FAM222B: variants seen among roughly 807,000 people sequenced by gnomAD.
FAM222B encodes protein FAM222B.
Under a neutral mutation model 38.0 loss-of-function variants are expected in FAM222B, and 12 were observed. The ratio of observed to expected loss-of-function variants is 0.32; its 90% confidence interval spans 0.20 to 0.51. FAM222B has a LOEUF of 0.51. Ranked by LOEUF, FAM222B falls within the 20% of genes least tolerant of loss-of-function variation. The pLI, the probability that FAM222B is intolerant of heterozygous loss-of-function variation, is 0.97. For missense variants in FAM222B, 716 were observed against 754.2 expected (o/e 0.95, Z 0.59); for synonymous variants, 329 against 317.2 (o/e 1.04, Z -0.40).
intron 1 of FAM222B, among the ~76,000 whole-genome samples, chr17:28,826,977 C>A (rs1248208454): frequency 6.6e-6 from 1 of 151,900 alleles, no homozygotes; most frequent in East Asian, 1.9e-4. Context: ...CTTGTCTTTG[C>A]CAAAAAAATT....
chr17:28,813,248 G>T (rs1041287126), intron 1 of FAM222B, among the ~76,000 whole-genome samples: 3 of 150,394 alleles, frequency 2.0e-5, no homozygotes, highest in African/African-American at 7.4e-5. Flanking sequence ...TAAATCCCAA[G>T]ATAACAATTC....
intron 1 of FAM222B, among the ~76,000 whole-genome samples, chr17:28,801,228 C>T (rs1384230412): frequency 5.5e-5 from 8 of 145,402 alleles, no homozygotes; most frequent in East Asian, 2.1e-4. Flanking sequence ...CCAAGGCGGG[C>T]GGATCACGAG....
rs60664262 is a variant in FAM222B at position 28,790,884 on chromosome 17, C to CTTT, written c.-40-24180_-40-24178dup. Among the ~76,000 whole-genome samples, 46 of 86,058 alleles carry CTTT rather than the reference C, an allele frequency of 5.3e-4. 4 individuals are homozygous for CTTT. The highest frequency in any genetic ancestry group is 7.6e-4 in the Non-Finnish European group (35 of 46,254). 56.5% of individuals were successfully genotyped at this position (86,058 alleles called of 152,430 possible). On this transcript the variant is annotated intron_variant, in intron 1 of 2. Transcript: ENST00000581407. ...GTTCTATATATTTCAAATTGTTTCA[C>CTTT]TTTTTTTTTTTTTTTTTTTTTTTTT...
At chr17:28,810,439 CTGTTTTATATACTAGCTAACTTTG>C (rs1567870506) in intron 1 of FAM222B, among the ~76,000 whole-genome samples, 12 of 129,952 alleles carry the variant, frequency 9.2e-5, no homozygotes, top group Non-Finnish European at 1.6e-4. Flanking sequence ...CTAGCTAACT[CTGTTTTATATACTAGCTAACTTTG>C]TTTTATATAC....
intron 1 of FAM222B, among the ~76,000 whole-genome samples, chr17:28,790,200 C>T (rs2151867468): frequency 6.6e-6 from 1 of 152,050 alleles, no homozygotes; most frequent in South Asian, 2.1e-4. Flanking sequence ...CTAATGTAAA[C>T]AAATACATTG....
At chr17:28,820,961 AT>A (rs980205884) in intron 1 of FAM222B, among the ~76,000 whole-genome samples, 87 of 130,994 alleles carry the variant, frequency 6.6e-4, no homozygotes, top group Admixed American at 7.0e-4. Flanking sequence ...TTTTTATTTT[AT>A]TTTTTTTTTT....
chr17:28,831,711 T>C (rs1241059642), intron 1 of FAM222B, among the ~76,000 whole-genome samples: 5 of 151,776 alleles, frequency 3.3e-5, no homozygotes, highest in Non-Finnish European at 7.4e-5. Flanking sequence ...TTTCACCATG[T>C]TTCCCAGGCT....
At chr17:28,812,588 A>C (rs1037597981) in intron 1 of FAM222B, among the ~76,000 whole-genome samples, 5 of 152,108 alleles carry the variant, frequency 3.3e-5, no homozygotes, top group Non-Finnish European at 5.9e-5. Context: ...GCCCACAGGG[A>C]GGTCAGCCAC....
chr17:28,768,434 G>A (rs2151790798), intron 1 of FAM222B, among the ~76,000 whole-genome samples: 1 of 152,204 alleles, frequency 6.6e-6, no homozygotes, highest in East Asian at 1.9e-4. Flanking sequence ...ATGCCTTAAT[G>A]AGAACAGAGC....
chr17:28,758,884 C>T lies in FAM222B; in HGVS notation c.1075G>A (p.Asp359Asn), dbSNP rs372142554. ...ISRVPTGYPS[D>N]LKPVTWNQHQ... ...TGGTTCCAGGTGACTGGCTTGAGGT[C>T]GCTAGGGTAGCCAGTGGGGACGCGA... The change falls in exon 3 of 3, where the codon GAC becomes AAC. Residue 359 changes from aspartate (D) to asparagine (N), a missense_variant. By Grantham distance (23) the Asp-to-Asn change is conservative. Coordinates refer to ENST00000581407, the MANE Select transcript of FAM222B (RefSeq NM_001077498.3). 31 of 1,607,974 alleles carry T rather than the reference C, an allele frequency of 1.9e-5. No homozygotes were observed. The African/African-American group carries it at 3.2e-4, about 17-fold the overall frequency.
At position 28,813,068 on chromosome 17, in the gene FAM222B, G is replaced by T. The variant is rs573078839; in HGVS notation, c.-41+29614C>A. Among the ~76,000 whole-genome samples, 162 of 83,944 alleles carry T rather than the reference G, an allele frequency of 1.9e-3. 2 individuals are homozygous for T. Among genetic ancestry groups the T allele is most frequent in the African/African-American group, 7.9e-3 (156 of 19,780 alleles). 55.1% of individuals were successfully genotyped at this position (83,944 alleles called of 152,430 possible). A position where few individuals can be genotyped will look rare whatever the true frequency, so the allele number is the denominator to read the frequency against. On this transcript the variant is annotated intron_variant, in intron 1 of 2. Coordinates refer to ENST00000581407, the MANE Select transcript of FAM222B (RefSeq NM_001077498.3). ...GGGGGGGGCGTTGGAGGCATGTTGGGAAAGTATGTATCTAGAAGTTGGTGG... is the reference window on the plus strand; with the variant it reads ...GGGGGGGGCGTTGGAGGCATGTTGGTAAAGTATGTATCTAGAAGTTGGTGG...
At chr17:28,843,370 C>T (rs1322227992), upstream of FAM222B, among the ~76,000 whole-genome samples, 1 of 150,136 alleles carries the variant, frequency 6.7e-6, no homozygotes, top group African/African-American at 2.5e-5. Flanking sequence ...CTCCCGACCT[C>T]AGGTGATCCA....
At chr17:28,771,794 C>T (rs1157211952) in intron 1 of FAM222B, among the ~76,000 whole-genome samples, 1 of 152,162 alleles carries the variant, frequency 6.6e-6, no homozygotes, top group African/African-American at 2.4e-5. Flanking sequence ...GTGGCTCACG[C>T]CTGTAATCTC....
At chr17:28,851,830 G>A (rs1319594672) in intron 1 of FAM222B, among the ~76,000 whole-genome samples, 4 of 143,856 alleles carry the variant, frequency 2.8e-5, no homozygotes, top group African/African-American at 5.2e-5. Context: ...AGCTGAGATC[G>A]CACCACTGCA....
intron 1 of FAM222B, among the ~76,000 whole-genome samples, chr17:28,785,197 C>CT (rs139793525): frequency 0.42 from 63,846 of 152,066 alleles, 16,339 homozygotes; most frequent in East Asian, 0.59. Flanking sequence ...TATTGAATCT[C>CT]TGTCTTAGTT....
At chr17:28,845,280 A>T (rs1391901543), upstream of FAM222B, among the ~76,000 whole-genome samples, 1 of 151,956 alleles carries the variant, frequency 6.6e-6, no homozygotes, top group African/African-American at 2.4e-5. Flanking sequence ...GGGCCCCTGC[A>T]GTCCCAGCTA....
In FAM222B at chr17:28,766,591, TG is replaced by T; in HGVS notation, c.76del (p.Gln26ArgfsTer9). 6.3e-7 allele frequency: 1 copy of T among 1,597,256 alleles called. No homozygotes were observed. Among genetic ancestry groups the T allele is most frequent in the Non-Finnish European group, 8.5e-7 (1 of 1,171,522 alleles). On this transcript the variant is annotated frameshift_variant, in exon 2 of 3. Transcript: ENST00000581407. LOFTEE classifies it high-confidence loss of function. Reference protein sequence around the residue: ...LSHTQMNTGLQKWDTTQKMRT... With the variant: ...LSHTQMNTGLXKWDTTQKMRT... Reference sequence around the variant, plus strand: ...ATAGGATCCAGATTACTTACATTTCTGAAGTCCAGTGTTCATCTGCGTGTGA... The same window carrying T: ...ATAGGATCCAGATTACTTACATTTCTAAGTCCAGTGTTCATCTGCGTGTGA...
chr17:28,818,151 G>A (rs952428164), intron 1 of FAM222B, among the ~76,000 whole-genome samples: 2 of 151,998 alleles, frequency 1.3e-5, no homozygotes, highest in African/African-American at 2.4e-5. Context: ...TTGAGCCCAG[G>A]AGTAAGAGTT....
At chr17:28,795,397 G>A (rs545688658) in intron 1 of FAM222B, among the ~76,000 whole-genome samples, 2 of 152,002 alleles carry the variant, frequency 1.3e-5, no homozygotes, top group East Asian at 1.9e-4. Context: ...CTCCTGCTTC[G>A]GCCTCCCAAA....
Sources: gnomAD v4.1 joint callset for allele counts (sites outside exome capture counted in the v4.1 genomes callset) on GRCh38, gnomAD v4.1.1 for gene constraint, MANE v1.5 for transcripts, NCBI Gene and HGNC (gene_info 2026-07-23, HGNC 2026-07-21) for gene names.